TENM1: variants seen among roughly 807,000 people sequenced by gnomAD.
TENM1 encodes teneurin transmembrane protein 1, also known as teneurin-1.
In TENM1, 35 loss-of-function variants were observed where a neutral mutation model predicts 174.8. The observed-to-expected ratio is 0.20, with a 90% CI of 0.15 to 0.27. The LOEUF (loss-of-function observed/expected upper bound fraction) is 0.27, where lower values mean the gene tolerates loss of function less well. Ranked by LOEUF, TENM1 falls within the 10% of genes least tolerant of loss-of-function variation. The probability of loss-of-function intolerance (pLI) is 1.00; values close to 1 mark genes in which losing one functional copy is unlikely to be tolerated. For missense variants in TENM1, 1,633 were observed against 2,130.1 expected (o/e 0.77, Z 4.59); for synonymous variants, 781 against 798.7 (o/e 0.98, Z 0.37).
chrX:124,681,776 G>C (rs2052240059), intron 5 of TENM1, among the ~76,000 whole-genome samples: 1 of 111,653 alleles, frequency 9.0e-6, no homozygotes, highest in South Asian at 3.7e-4. Context: ...ATCTGCATAA[G>C]GTTGTTGTGA....
intron 15 of TENM1, among the ~76,000 whole-genome samples, chrX:124,542,430 T>C (rs904326677): frequency 1.9e-4 from 21 of 110,037 alleles, no homozygotes; most frequent in Non-Finnish European, 3.8e-4. Context: ...CATTTTTTTT[T>C]TTTTTTGCTT....
At chrX:124,903,152 T>C (rs905956587) in intron 1 of TENM1, among the ~76,000 whole-genome samples, 1 of 111,418 alleles carries the variant, frequency 9.0e-6, no homozygotes, top group African/African-American at 3.3e-5. Context: ...AATGCACCCA[T>C]TATCTCGGCA....
At chrX:124,593,078 G>C (rs1007480600) in intron 11 of TENM1, among the ~76,000 whole-genome samples, 5 of 111,534 alleles carry the variant, frequency 4.5e-5, no homozygotes, top group Non-Finnish European at 9.4e-5. Flanking sequence ...AGGGTTGTGG[G>C]GGACAAGATG....
At position 124,884,560 on chromosome X, in the gene TENM1, T is replaced by C. The variant is rs778780761; in HGVS notation, c.535+9736A>G. Among the ~76,000 whole-genome samples the C allele has an allele frequency of 2.4e-4, 27 of 111,435 alleles. No homozygotes were observed. The South Asian group carries it at 5.8e-3, about 24-fold the overall frequency. On this transcript the variant is annotated intron_variant, in intron 3 of 31. Transcript: ENST00000422452. ...GTCTCTCACTTATCCTTTCATCATA[T>C]TGGGGATCTTTTCCAGGTCCCCAGC...
the TENM1 span, among the ~76,000 whole-genome samples, chrX:125,128,225 T>A: frequency 9.0e-6 from 1 of 111,493 alleles, no homozygotes; most frequent in African/African-American, 3.3e-5. Context: ...ACATTCACTA[T>A]AGCAATGAAA....
At chrX:124,398,432 G>A (rs1316105197) in intron 27 of TENM1, among the ~76,000 whole-genome samples, 1 of 109,869 alleles carries the variant, frequency 9.1e-6, no homozygotes, top group Non-Finnish European at 1.9e-5. Context: ...AATGAACAGG[G>A]CATATGTTCA....
chrX:124,386,572 T>G (rs1388832959), intron 28 of TENM1, among the ~76,000 whole-genome samples: 1 of 110,584 alleles, frequency 9.0e-6, no homozygotes, highest in African/African-American at 3.3e-5. Flanking sequence ...TGGCTAGAAC[T>G]TGAGTATGTT....
chrX:124,624,968 C>T lies in TENM1; in HGVS notation c.2077+16823G>A, dbSNP rs781537443. Among the ~76,000 whole-genome samples the T allele has an allele frequency of 5.4e-5, 6 of 111,880 alleles. No homozygotes were observed. The South Asian group carries it at 2.2e-3, about 42-fold the overall frequency. On this transcript the variant is annotated intron_variant, in intron 11 of 31. Transcript: ENST00000422452. ...TCTACAAAATGAAGGTAGCATTTTA[C>T]AGCACCTTTTCCTAAAGTATACTCC...
intron 3 of TENM1, among the ~76,000 whole-genome samples, chrX:124,889,532 T>C (rs1304750597): frequency 3.6e-5 from 4 of 110,960 alleles, no homozygotes; most frequent in African/African-American, 1.3e-4. Context: ...CTTCTGAGAA[T>C]TGTTAAGGGA....
intron 11 of TENM1, among the ~76,000 whole-genome samples, chrX:124,591,568 G>A (rs181042035): frequency 8.9e-6 from 1 of 111,818 alleles, no homozygotes; most frequent in Non-Finnish European, 1.9e-5. Flanking sequence ...CTCCTGGCTT[G>A]TAAGGTTTCT....
chrX:124,906,174 A>T (rs1830700255), intron 1 of TENM1, among the ~76,000 whole-genome samples: 1 of 112,231 alleles, frequency 8.9e-6, no homozygotes, highest in South Asian at 3.7e-4. Flanking sequence ...GAGCAAAAGC[A>T]TCTAACACAG....
chrX:125,104,871 T>C, the TENM1 span, among the ~76,000 whole-genome samples: 1 of 112,071 alleles, frequency 8.9e-6, no homozygotes, highest in Non-Finnish European at 1.9e-5. Context: ...TTCTATAGAC[T>C]AGCCCTAATT....
intron 25 of TENM1, among the ~76,000 whole-genome samples, chrX:124,407,491 C>T (rs776045400): frequency 8.9e-6 from 1 of 112,356 alleles, no homozygotes; most frequent in Admixed American, 9.4e-5. Flanking sequence ...CAGGATTCAG[C>T]CTGGACACAA....
At chrX:124,717,911 G>T (rs2053224198) in intron 4 of TENM1, among the ~76,000 whole-genome samples, 1 of 112,194 alleles carries the variant, frequency 8.9e-6, no homozygotes, top group African/African-American at 3.2e-5. Context: ...GATGGAAATT[G>T]TAGTTATTTT....
chrX:124,531,517 C>T (rs1025998426), intron 15 of TENM1, among the ~76,000 whole-genome samples: 1 of 112,193 alleles, frequency 8.9e-6, no homozygotes, highest in Non-Finnish European at 1.9e-5. Context: ...ACAAAAGTTA[C>T]AAGCCATTAA....
chrX:124,568,352 A>T (rs2858436), intron 11 of TENM1, among the ~76,000 whole-genome samples: 25,764 of 110,788 alleles, frequency 0.23, 2,295 homozygotes, highest in South Asian at 0.39. Flanking sequence ...GGCTGCAATC[A>T]CAGTAAGATG....
the TENM1 span, among the ~76,000 whole-genome samples, chrX:125,029,926 AT>A: frequency 1.8e-5 from 2 of 112,129 alleles, no homozygotes; most frequent in Non-Finnish European, 3.8e-5. Context: ...TTGGAACAGG[AT>A]TGAAGATCAT....
intron 2 of TENM1, 120 bp downstream of exon 5, chrX:124,895,860 CT>C (rs1236598611): frequency 6.8e-6 from 6 of 879,565 alleles, no homozygotes; most frequent in Non-Finnish European, 9.5e-6. Flanking sequence ...TCCCTGCTAA[CT>C]TGTATTTCCA....
the TENM1 span, among the ~76,000 whole-genome samples, chrX:124,979,692 G>GT: frequency 2.7e-5 from 3 of 110,660 alleles, no homozygotes; most frequent in Non-Finnish European, 5.7e-5. Flanking sequence ...ATAATGCAGT[G>GT]GGGATAGAAA....
Sources: gnomAD v4.1 joint callset for allele counts (sites outside exome capture counted in the v4.1 genomes callset) on GRCh38, gnomAD v4.1.1 for gene constraint, MANE v1.5 for transcripts, NCBI Gene and HGNC (gene_info 2026-07-23, HGNC 2026-07-21) for gene names.